The following C3orf33 variants were observed in gnomAD, a reference collection of about 807,000 sequenced individuals.
C3orf33 encodes AP-1 activity suppressor.
In C3orf33, 23 loss-of-function variants were observed where a neutral mutation model predicts 28.7. That is an observed-to-expected ratio of 0.80 (90% CI 0.58 to 1.13). The LOEUF (loss-of-function observed/expected upper bound fraction) is 1.13. Among genes scored for constraint, C3orf33 ranks in the 50% most tolerant of loss-of-function variants. The pLI is 0.00. For missense variants in C3orf33, 327 were observed against 353.4 expected, an observed-to-expected ratio of 0.93 and a Z score of 0.60; for synonymous variants, 119 against 120.5, an observed-to-expected ratio of 0.99 and a Z score of 0.08.
intron 1 of C3orf33, 79 bp from the exon 2 acceptor site, chr3:155,802,670 AAAG>A (rs1751683433): frequency 3.8e-6 from 4 of 1,065,506 alleles, no homozygotes; most frequent in Non-Finnish European, 5.5e-6. Context: ...AGGTAGAAAA[AAAG>A]AAGACTGTCC....
intron 4 of C3orf33, among the ~76,000 whole-genome samples, chr3:155,766,311 T>C (rs540257252): frequency 6.6e-6 from 1 of 152,354 alleles, no homozygotes; most frequent in East Asian, 1.9e-4. Flanking sequence ...AGGACAGTGA[T>C]TCAGCAACAA....
At chr3:155,790,753 C>T (rs1751290968) in intron 2 of C3orf33, among the ~76,000 whole-genome samples, 1 of 152,104 alleles carries the variant, frequency 6.6e-6, no homozygotes, top group African/African-American at 2.4e-5. Flanking sequence ...AGCCGGGGCC[C>T]ACAGAGGAAG....
At chr3:155,791,529 T>TC (rs898361445) in intron 2 of C3orf33, among the ~76,000 whole-genome samples, 3 of 151,804 alleles carry the variant, frequency 2.0e-5, no homozygotes, top group African/African-American at 7.3e-5. Flanking sequence ...CCTCTTGGGG[T>TC]CCCCAAGTCC....
At chr3:155,768,602 A>C (rs1258169096) in intron 3 of C3orf33, among the ~76,000 whole-genome samples, 1 of 152,194 alleles carries the variant, frequency 6.6e-6, no homozygotes, top group Non-Finnish European at 1.5e-5. Flanking sequence ...GACAAAAAAA[A>C]CTTAATGTCT....
At chr3:155,790,459 T>C (rs369240331) in intron 2 of C3orf33, among the ~76,000 whole-genome samples, 1 of 152,116 alleles carries the variant, frequency 6.6e-6, no homozygotes, top group South Asian at 2.1e-4. Flanking sequence ...GGCTGAATCA[T>C]GGATCATCCT....
At position 155,777,981 on chromosome 3, in the gene C3orf33, T is replaced by C. The variant is rs139896222; in HGVS notation, c.175-2133A>G. 4.6e-3 allele frequency among the ~76,000 whole-genome samples: 700 copies of C among 151,850 alleles called. 10 individuals are homozygous for C. The highest frequency in any genetic ancestry group is 0.016 in the African/African-American group (654 of 41,384). Reference sequence around the variant, plus strand: ...CCTGGCCAACATGGTGAAACTCCATTTCTACTAAAAATACAAAAATTAGCT... The same window carrying C: ...CCTGGCCAACATGGTGAAACTCCATCTCTACTAAAAATACAAAAATTAGCT... On this transcript the variant is annotated intron_variant, in intron 2 of 4. Transcript: ENST00000340171.
At chr3:155,777,978 C>G (rs973085217) in intron 2 of C3orf33, among the ~76,000 whole-genome samples, 16 of 151,818 alleles carry the variant, frequency 1.1e-4, no homozygotes, top group Admixed American at 2.0e-4. Context: ...GGTGAAACTC[C>G]ATTTCTACTA....
chr3:155,805,794 T>A (rs1249984940), intron 1 of C3orf33: 3 of 488,674 alleles, frequency 6.1e-6, no homozygotes, highest in Non-Finnish European at 1.2e-5. Flanking sequence ...ACTTCCCTGC[T>A]CTTCCTCGGT....
rs574932741 is a variant in C3orf33 at position 155,770,328 on chromosome 3, T to C, written c.323-2659A>G. Among the ~76,000 whole-genome samples the C allele has an allele frequency of 1.2e-3, 176 of 152,238 alleles. 1 individual carries two copies. Among genetic ancestry groups the C allele is most frequent in the African/African-American group, 3.9e-3 (161 of 41,554 alleles). ...AGCCCACCAGGCCAAGTGGGCAGAA[T>C]ACCTCCTGTAGCAAGCCCGGGGCCA... On this transcript the variant is annotated intron_variant, in intron 3 of 4. Coordinates refer to ENST00000340171, the MANE Select transcript of C3orf33 (RefSeq NM_001308229.2).
rs763679176 is a variant in C3orf33, at chr3:155,802,629, A to C, written c.115-38T>G. 42 of 1,457,222 alleles carry C rather than the reference A, an allele frequency of 2.9e-5. No individual in the cohort carries two copies. In the African/African-American group the frequency reaches 5.9e-4, roughly 21 times the overall value. The allele number at this position is 1,457,222 out of a possible 1,614,324, so 90.3% of individuals were successfully genotyped here. On this transcript the variant is annotated intron_variant, in intron 1 of 4. Coordinates refer to ENST00000340171, the MANE Select transcript of C3orf33 (RefSeq NM_001308229.2). ...ATTTAAGGGTTAACCCTCACTAATTATTAGTCACAATAATGAAAGCACTAA... is the reference window on the plus strand; with the variant it reads ...ATTTAAGGGTTAACCCTCACTAATTCTTAGTCACAATAATGAAAGCACTAA...
chr3:155,801,191 A>G, intron 2 of C3orf33, among the ~76,000 whole-genome samples: 1 of 151,984 alleles, frequency 6.6e-6, no homozygotes, highest in East Asian at 1.9e-4. Context: ...GGCGCCTGTA[A>G]TCTCAGCTAC....
chr3:155,782,904 A>C (rs1339018429), intron 2 of C3orf33, among the ~76,000 whole-genome samples: 1 of 152,236 alleles, frequency 6.6e-6, no homozygotes, highest in Non-Finnish European at 1.5e-5. Context: ...CACATAATTT[A>C]AGAGACTACA....
At chr3:155,790,107 T>C (rs1751264865) in intron 2 of C3orf33, among the ~76,000 whole-genome samples, 1 of 130,170 alleles carries the variant, frequency 7.7e-6, no homozygotes, top group South Asian at 2.3e-4. Flanking sequence ...GAAGTTGCAG[T>C]GAGCCGAGAT....
chr3:155,806,214 G>A lies in C3orf33; in HGVS notation c.39C>T (p.Ala13=). 5 of 1,489,194 alleles carry A rather than the reference G, an allele frequency of 3.4e-6. No individual in the cohort carries two copies. Among genetic ancestry groups the A allele is most frequent in the Non-Finnish European group, 3.6e-6 (4 of 1,119,872 alleles). The allele number at this position is 1,489,194 out of a possible 1,614,324, so 92.2% of individuals were successfully genotyped here. A position where few individuals can be genotyped will look rare whatever the true frequency, so the allele number is the denominator to read the frequency against. ...CGTTGGGCTCCATTCCGTCCTTGTC[G>A]GCAGACGGCGAGCCGGTGGCCGCGG... ...GQPAATGSPS[A]DKDGMEPNVV... Residue 13 remains alanine (A), a synonymous_variant, in exon 1 of 5, where the codon GCC becomes GCT. Coordinates refer to ENST00000340171, the MANE Select transcript of C3orf33 (RefSeq NM_001308229.2).
At chr3:155,782,932 C>A (rs1750974611) in intron 2 of C3orf33, among the ~76,000 whole-genome samples, 1 of 152,170 alleles carries the variant, frequency 6.6e-6, no homozygotes, top group Non-Finnish European at 1.5e-5. Flanking sequence ...CATCCCTAAA[C>A]CACAAATCTG....
Position 155,768,100 on chromosome 3 carries a change from G to A in C3orf33, c.323-431C>T, listed in dbSNP as rs569327972. Among the ~76,000 whole-genome samples the A allele has an allele frequency of 7.2e-5, 11 of 152,152 alleles. No individual in the cohort carries two copies. The South Asian group carries it at 1.7e-3, about 23-fold the overall frequency. On this transcript the variant is annotated intron_variant, in intron 3 of 4. Transcript: ENST00000340171. ...TCGTTATGTTGGCCAAGCTGGTCTC[G>A]AACCCCTAGCCTCAAGTGATCCACC... is the stretch of plus-strand genomic sequence containing the variant.
chr3:155,801,894 G>A (rs532780143), intron 2 of C3orf33, among the ~76,000 whole-genome samples: 1 of 152,224 alleles, frequency 6.6e-6, no homozygotes, highest in African/African-American at 2.4e-5. Flanking sequence ...GGGATTACAG[G>A]TGCCTGCCAC....
chr3:155,773,134 G>A (rs956712698), intron 3 of C3orf33, among the ~76,000 whole-genome samples: 1 of 152,150 alleles, frequency 6.6e-6, no homozygotes. Flanking sequence ...AAAATAGTGA[G>A]AGGAACACAG....
intron 1 of C3orf33, chr3:155,805,813 T>C (rs1182904911): frequency 4.0e-6 from 2 of 494,448 alleles, no homozygotes; most frequent in Non-Finnish European, 7.5e-6. Context: ...GTCTCCTCTC[T>C]GGGCCCTCCC....
Sources: gnomAD v4.1 joint callset for allele counts (sites outside exome capture counted in the v4.1 genomes callset) on GRCh38, gnomAD v4.1.1 for gene constraint, MANE v1.5 for transcripts, NCBI Gene and HGNC (gene_info 2026-07-23, HGNC 2026-07-21) for gene names.